The following NEDD4 variants were observed in gnomAD, a reference collection of about 807,000 sequenced individuals.
NEDD4 encodes the protein NEDD4 E3 ubiquitin protein ligase.
In NEDD4, 99 loss-of-function variants were observed where a neutral mutation model predicts 144.9. The ratio of observed to expected loss-of-function variants is 0.68; its 90% confidence interval spans 0.58 to 0.81. The LOEUF (loss-of-function observed/expected upper bound fraction) is 0.81, where lower values mean the gene tolerates loss of function less well. Among genes scored for constraint, NEDD4 ranks in the 30% least tolerant of loss-of-function variants. NEDD4 has a pLI of 0.00. For missense variants in NEDD4, 985 were observed against 1,065.9 expected (o/e 0.92, Z 1.06); for synonymous variants, 318 against 350.6 (o/e 0.91, Z 1.04).
chr15:55,973,498 C>CA (rs1221458167), intron 1 of NEDD4, among the ~76,000 whole-genome samples: 2 of 152,102 alleles, frequency 1.3e-5, no homozygotes, highest in African/African-American at 4.8e-5. Flanking sequence ...ATGACTGTGC[C>CA]ACTGCAGTCC....
chr15:55,990,196 G>A (rs1185775625), intron 1 of NEDD4, among the ~76,000 whole-genome samples: 1 of 151,982 alleles, frequency 6.6e-6, no homozygotes, highest in Non-Finnish European at 1.5e-5. Context: ...AATCATAATA[G>A]AAGTAGAGTG....
intron 4 of NEDD4, among the ~76,000 whole-genome samples, chr15:55,934,291 C>T (rs2036841894): frequency 6.6e-6 from 1 of 152,136 alleles, no homozygotes. Flanking sequence ...TAACTTGTAT[C>T]AATACTTCAT....
At chr15:55,883,027 T>G (rs1211981357) in intron 5 of NEDD4, among the ~76,000 whole-genome samples, 1 of 152,170 alleles carries the variant, frequency 6.6e-6, no homozygotes, top group African/African-American at 2.4e-5. Context: ...TAAAGAGGAC[T>G]TTGTATTACA....
In NEDD4 at chr15:55,983,666, C is replaced by A. The variant is rs1192411183; in HGVS notation, c.45+9845G>T. On this transcript the variant is annotated intron_variant, in intron 1 of 28. Transcript: ENST00000435532. ...TTCTTCTGTTGCCCAGACTGGAGTG[C>A]AGTGGCGCAGTCTCGGTTCACTGCA... is the stretch of plus-strand genomic sequence containing the variant. Among the ~76,000 whole-genome samples the A allele has an allele frequency of 5.4e-5, 8 of 149,028 alleles. No individual in the cohort carries two copies. The Admixed American group carries it at 5.4e-4, about 10-fold the overall frequency.
intron 14 of NEDD4, among the ~76,000 whole-genome samples, chr15:55,849,699 ATTAAT>A (rs1360298249): frequency 5.3e-5 from 8 of 150,214 alleles, no homozygotes; most frequent in African/African-American, 1.9e-4. Context: ...TTTTAATATT[ATTAAT>A]TTATTAAATA....
At chr15:55,966,348 T>C (rs2037512495) in intron 2 of NEDD4, 125 bp downstream of exon 2, 2 of 593,198 alleles carry the variant, frequency 3.4e-6, no homozygotes, top group Admixed American at 3.8e-5. Context: ...CAACTGGTAA[T>C]ATTATTATTA....
At chr15:55,857,321 T>C (rs945029857) in intron 11 of NEDD4, among the ~76,000 whole-genome samples, 31 of 152,100 alleles carry the variant, frequency 2.0e-4, no homozygotes, top group Non-Finnish European at 4.4e-4. Context: ...AGGTTTAATT[T>C]TTATTTATTA....
At chr15:55,873,812 G>A (rs935426693) in intron 6 of NEDD4, 146 bp downstream of exon 6, 7 of 402,016 alleles carry the variant, frequency 1.7e-5, no homozygotes, top group South Asian at 1.2e-4. Context: ...AAATTGAAAT[G>A]AGTTTTTAGA....
chr15:55,911,026 G>C (rs540636641), intron 5 of NEDD4, among the ~76,000 whole-genome samples: 1 of 151,718 alleles, frequency 6.6e-6, no homozygotes, highest in Non-Finnish European at 1.5e-5. Context: ...GCAGATCACC[G>C]CCTCCCACAT....
Position 55,951,412 on chromosome 15 carries a change from A to T in NEDD4, c.201T>A (p.Ser67Arg). The T allele has an allele frequency of 9.4e-7, 1 of 1,068,980 alleles. No individual in the cohort carries two copies. Among genetic ancestry groups the T allele is most frequent in the Non-Finnish European group, 1.3e-6 (1 of 744,016 alleles). 66.2% of individuals were successfully genotyped at this position (1,068,980 alleles called of 1,614,324 possible). A position where few individuals can be genotyped will look rare whatever the true frequency, so the allele number is the denominator to read the frequency against. ...TTTCTTCATTCCACTTTGGATTCAAACTCTAAAAAATAATAAACATAGTAT... is the reference window on the plus strand; with the variant it reads ...TTTCTTCATTCCACTTTGGATTCAATCTCTAAAAAATAATAAACATAGTAT... ...TSVQTKTIKKSLNPKWNEEIL... is the reference protein window; with the variant it reads ...TSVQTKTIKKRLNPKWNEEIL... Residue 67 changes from serine to arginine, a missense_variant and splice_region_variant, in exon 4 of 29, where the codon AGT (serine) becomes AGA (arginine). Physicochemically the swap from Ser to Arg is moderately radical, Grantham distance 110. Coordinates refer to ENST00000435532, the MANE Select transcript of NEDD4 (RefSeq NM_006154.4).
At chr15:55,964,239 T>C (rs1648689404) in intron 2 of NEDD4, among the ~76,000 whole-genome samples, 1 of 152,292 alleles carries the variant, frequency 6.6e-6, no homozygotes, top group South Asian at 2.1e-4. Context: ...TATTATATAA[T>C]GATATCCATG....
chr15:55,859,570 G>A (rs145128555), intron 11 of NEDD4, among the ~76,000 whole-genome samples: 3,132 of 152,174 alleles, frequency 0.021, 111 homozygotes, highest in African/African-American at 0.072. Flanking sequence ...GGTGGTGTGC[G>A]CCTGTAATCT....
At chr15:55,983,122 CT>C (rs1343668986) in intron 1 of NEDD4, among the ~76,000 whole-genome samples, 2 of 149,906 alleles carry the variant, frequency 1.3e-5, no homozygotes, top group Non-Finnish European at 3.0e-5. Context: ...AACTCCATCT[CT>C]TAAAAAAAAA....
Position 55,850,669 on chromosome 15 carries a change from TCAC to T in NEDD4, c.1217_1219del (p.Ser406_Asp407delinsAsn). The T allele has an allele frequency of 6.2e-7, 1 of 1,614,154 alleles. No individual in the cohort carries two copies. The highest frequency in any genetic ancestry group is 1.3e-5 in the African/African-American group (1 of 75,068). ...TGGCTGGGTCACCTGCTGGCCTGAA[TCAC>T]TGGTGGAGGCTTGTGATTGAGGGCC... On this transcript the variant is annotated inframe_deletion, in exon 14 of 29. Coordinates refer to ENST00000435532, the MANE Select transcript of NEDD4 (RefSeq NM_006154.4).
Position 55,872,141 on chromosome 15 carries a change from A to G in NEDD4, c.404+274T>C, listed in dbSNP as rs2142064807. On this transcript the variant is annotated intron_variant, in intron 7 of 28. Coordinates refer to ENST00000435532, the MANE Select transcript of NEDD4 (RefSeq NM_006154.4). ...AAAGCATAGTATGACAATATGACAT[A>G]AATAGCCTTCTAGTCTGATAAGTAT... Among the ~76,000 whole-genome samples, 5 of 152,260 alleles carry G rather than the reference A, an allele frequency of 3.3e-5. 1 individual carries two copies. The highest frequency in any genetic ancestry group is 3.3e-4 in the Admixed American group (5 of 15,296).
intron 1 of NEDD4, among the ~76,000 whole-genome samples, chr15:55,980,373 G>A (rs1595887620): frequency 1.3e-5 from 2 of 152,114 alleles, no homozygotes; most frequent in African/African-American, 4.8e-5. Context: ...TTGGGTCTGA[G>A]AACAGCGGCT....
In NEDD4 at chr15:55,951,370, A is replaced by G. The variant is rs2037235180; in HGVS notation, c.237+6T>C. 2.2e-6 allele frequency: 2 copies of G among 914,812 alleles called. No individual in the cohort carries two copies. Among genetic ancestry groups the G allele is most frequent in the Non-Finnish European group, 3.3e-6 (2 of 610,058 alleles). 56.7% of individuals were successfully genotyped at this position (914,812 alleles called of 1,614,324 possible). ...TCCACTTTAGTAAAATAAAATATAT[A>G]CTTACTCTGAATAATATTTCTTCAT... On this transcript the variant is annotated splice_donor_region_variant and intron_variant, in intron 4 of 28. Transcript: ENST00000435532.
In NEDD4 at chr15:55,925,959, AGTAT is replaced by A. The variant is rs371218721; in HGVS notation, c.238-1264_238-1261del. On this transcript the variant is annotated intron_variant, in intron 4 of 28. Coordinates refer to ENST00000435532, the MANE Select transcript of NEDD4 (RefSeq NM_006154.4). ...TTTACATATACATACTGTATCATACAGTATGTATATGTAAAAATACATATACATA... is the reference window on the plus strand; with the variant it reads ...TTTACATATACATACTGTATCATACAGTATATGTAAAAATACATATACATA... Among the ~76,000 whole-genome samples the A allele has an allele frequency of 2.9e-3, 447 of 152,172 alleles. 1 individual carries two copies. The highest frequency in any genetic ancestry group is 0.01 in the African/African-American group (426 of 41,540).
At chr15:55,948,317 T>C (rs752113504) in intron 4 of NEDD4, among the ~76,000 whole-genome samples, 1 of 152,162 alleles carries the variant, frequency 6.6e-6, no homozygotes, top group South Asian at 2.1e-4. Context: ...CACAAACAAA[T>C]GGAAGAACAT....
Sources: allele counts gnomAD v4.1 joint callset (sites outside exome capture counted in the v4.1 genomes callset), GRCh38; gene constraint gnomAD v4.1.1; transcripts MANE v1.5; gene names NCBI Gene and HGNC (gene_info 2026-07-23, HGNC 2026-07-21).